Variants in HDAC9 observed in about 807,000 individuals in gnomAD.
HDAC9 encodes the protein MEF-2 interacting transcription repressor (MITR) protein.
A neutral mutation model predicts 139.4 loss-of-function variants in HDAC9; 41 were observed. That is an observed-to-expected ratio of 0.29 (90% confidence interval 0.23 to 0.38). The LOEUF (loss-of-function observed/expected upper bound fraction) is 0.38, where lower values mean the gene tolerates loss of function less well. HDAC9 is among the 10% of genes least tolerant of loss of function. The probability of loss-of-function intolerance (pLI) is 1.00; values close to 1 mark genes in which losing one functional copy is unlikely to be tolerated. For synonymous variants in HDAC9, 517 were observed against 476.2 expected (o/e 1.09, Z -1.12); for missense variants, 1,147 against 1,297.0 (o/e 0.88, Z 1.78).
chr7:18,908,429 C>T (rs1328575764), intron 22 of HDAC9, among the ~76,000 whole-genome samples: 1 of 152,032 alleles, frequency 6.6e-6, no homozygotes, highest in African/African-American at 2.4e-5. Flanking sequence ...TATTGGAAAA[C>T]AGAATAAATT....
At chr7:18,138,510 AGTG>A (rs1785619503) in intron 1 of HDAC9, among the ~76,000 whole-genome samples, 1 of 147,652 alleles carries the variant, frequency 6.8e-6, no homozygotes, top group Non-Finnish European at 1.5e-5. Context: ...GGGAAGCTGT[AGTG>A]AGAGAGAGAG....
intron 19 of HDAC9, among the ~76,000 whole-genome samples, chr7:18,834,162 A>C (rs958445937): frequency 2.0e-5 from 3 of 152,244 alleles, no homozygotes; most frequent in Admixed American, 6.5e-5. Flanking sequence ...TAAAAATTGT[A>C]GAAATCATTG....
rs183187009 is a variant in HDAC9 at position 18,949,380 on chromosome 7, A to G, written c.2938-4766A>G. 1.8e-3 allele frequency: 465 copies of G among 259,380 alleles called. 4 individuals carry two copies. Among genetic ancestry groups the G allele is most frequent in the African/African-American group, 1.0e-2 (436 of 43,652 alleles). The allele number at this position is 259,380 out of a possible 1,614,324, so 16.1% of individuals were successfully genotyped here. ...AGAGCTTTGCATCCTCCTCCTCTTC[A>G]TCTTCTCACTGTGCATCTTCCTCCA... On this transcript the variant is annotated intron_variant, in intron 23 of 25. Coordinates refer to ENST00000686413, the MANE Select transcript of HDAC9 (RefSeq NM_178425.4).
chr7:18,990,728 A>G (rs1013748960), intron 25 of HDAC9, among the ~76,000 whole-genome samples: 2 of 152,344 alleles, frequency 1.3e-5, no homozygotes, highest in South Asian at 2.1e-4. Context: ...CCTCCGAGCC[A>G]TGTGCGGGAT....
intron 1 of HDAC9, among the ~76,000 whole-genome samples, chr7:18,153,398 A>T (rs1345851661): frequency 6.6e-6 from 1 of 152,026 alleles, no homozygotes; most frequent in Non-Finnish European, 1.5e-5. Flanking sequence ...CTTGATATAC[A>T]CCCTATGTAA....
intron 14 of HDAC9, among the ~76,000 whole-genome samples, chr7:18,750,437 A>G (rs1317984270): frequency 2.0e-5 from 3 of 152,178 alleles, no homozygotes; most frequent in Admixed American, 2.0e-4. Context: ...AAGTTTTATT[A>G]TATATTTATG....
intron 1 of HDAC9, among the ~76,000 whole-genome samples, chr7:18,309,551 T>G (rs1562863617): frequency 6.6e-6 from 1 of 152,180 alleles, no homozygotes; most frequent in Non-Finnish European, 1.5e-5. Context: ...AGGCCTCTAT[T>G]CAGTCATAGA....
intron 24 of HDAC9, among the ~76,000 whole-genome samples, chr7:18,967,631 C>G (rs1032586446): frequency 1.3e-5 from 2 of 151,644 alleles, no homozygotes; most frequent in African/African-American, 2.4e-5. Context: ...GGTGGAACAT[C>G]TTATAGAGCA....
At chr7:18,871,628 A>C (rs1028533770) in intron 21 of HDAC9, among the ~76,000 whole-genome samples, 3 of 152,186 alleles carry the variant, frequency 2.0e-5, no homozygotes, top group Non-Finnish European at 4.4e-5. Flanking sequence ...CCAATTTTTC[A>C]GATAAAATTT....
At chr7:18,937,133 G>T (rs950168729) in intron 23 of HDAC9, among the ~76,000 whole-genome samples, 1 of 143,846 alleles carries the variant, frequency 7.0e-6, no homozygotes, top group Admixed American at 7.4e-5. Context: ...TCCGCCACCC[G>T]GGTTGAAGTG....
At chr7:18,121,874 CTT>C (rs573084562) in intron 1 of HDAC9, among the ~76,000 whole-genome samples, 1 of 152,120 alleles carries the variant, frequency 6.6e-6, no homozygotes, top group Non-Finnish European at 1.5e-5. Context: ...CTCTGAAACT[CTT>C]AACAGTTTAC....
chr7:18,899,829 A>G (rs548094910), intron 22 of HDAC9, among the ~76,000 whole-genome samples: 1 of 152,092 alleles, frequency 6.6e-6, no homozygotes, highest in East Asian at 1.9e-4. Context: ...GCTTCATACT[A>G]TCTGTGACCT....
chr7:18,413,797 G>T (rs904283164), intron 1 of HDAC9, among the ~76,000 whole-genome samples: 2 of 152,104 alleles, frequency 1.3e-5, no homozygotes, highest in Non-Finnish European at 2.9e-5. Context: ...ACTGAGGCTG[G>T]TGTTTTTTGC....
At chr7:18,683,655 A>C (rs1782047919) in intron 12 of HDAC9, among the ~76,000 whole-genome samples, 1 of 152,066 alleles carries the variant, frequency 6.6e-6, no homozygotes, top group Non-Finnish European at 1.5e-5. Flanking sequence ...AATTTATTGA[A>C]GCGCTTGCTT....
intron 21 of HDAC9, among the ~76,000 whole-genome samples, chr7:18,863,838 G>A (rs1798289202): frequency 1.3e-5 from 2 of 152,150 alleles, no homozygotes; most frequent in Admixed American, 1.3e-4. Flanking sequence ...TTTGAATGAG[G>A]CAAGGGAGCT....
At chr7:18,607,179 A>G (rs1379955579) in intron 6 of HDAC9, among the ~76,000 whole-genome samples, 1 of 152,308 alleles carries the variant, frequency 6.6e-6, no homozygotes, top group East Asian at 1.9e-4. Context: ...TGCATATGCA[A>G]TTTGTATGAC....
chr7:18,747,462 A>T (rs943361056), intron 13 of HDAC9, among the ~76,000 whole-genome samples: 19 of 152,240 alleles, frequency 1.2e-4, no homozygotes, highest in Admixed American at 1.2e-3. Context: ...TCAAGGGGAC[A>T]TTAAGGTTTC....
At chr7:18,356,164 T>C (rs745557066) in intron 1 of HDAC9, among the ~76,000 whole-genome samples, 12 of 151,958 alleles carry the variant, frequency 7.9e-5, no homozygotes, top group Admixed American at 2.6e-4. Context: ...TCAGACAGAA[T>C]CATTATTTGC....
intron 1 of HDAC9, among the ~76,000 whole-genome samples, chr7:18,119,480 C>G (rs1231924011): frequency 6.6e-6 from 1 of 152,158 alleles, no homozygotes; most frequent in Non-Finnish European, 1.5e-5. Flanking sequence ...TTCTTACCAC[C>G]AAACTTGTCT....
Sources: gnomAD v4.1 joint callset for allele counts (sites outside exome capture counted in the v4.1 genomes callset) on GRCh38, gnomAD v4.1.1 for gene constraint, MANE v1.5 for transcripts, NCBI Gene and HGNC (gene_info 2026-07-23, HGNC 2026-07-21) for gene names.